Variants in OCA2 observed in about 807,000 individuals in gnomAD.
The protein encoded by OCA2 is P protein.
In OCA2, 77 loss-of-function variants were observed where a neutral mutation model predicts 100.2. That is an observed-to-expected ratio of 0.77 (90% CI 0.64 to 0.93). The LOEUF is 0.93. OCA2 is among the 40% of genes least tolerant of loss of function. The probability of loss-of-function intolerance (pLI) is 0.00; values close to 1 mark genes in which losing one functional copy is unlikely to be tolerated. For missense variants in OCA2, 1,062 were observed against 1,089.1 expected (o/e 0.98, Z 0.35); for synonymous variants, 432 against 439.2 (o/e 0.98, Z 0.21).
chr15:27,747,929 A>G, the OCA2 span, among the ~76,000 whole-genome samples: 1 of 152,182 alleles, frequency 6.6e-6, no homozygotes, highest in African/African-American at 2.4e-5. Context: ...AACGTGGATG[A>G]GGAGGGTGAA....
chr15:27,909,248 A>C (rs1004020621), intron 19 of OCA2, among the ~76,000 whole-genome samples: 2 of 152,226 alleles, frequency 1.3e-5, no homozygotes, highest in Non-Finnish European at 2.9e-5. Context: ...AAAGACACAG[A>C]AGTAGACTTG....
chr15:27,722,824 CTCTCTCTT>C, the OCA2 span, among the ~76,000 whole-genome samples: 25 of 147,782 alleles, frequency 1.7e-4, no homozygotes, highest in Middle Eastern at 3.4e-3. Context: ...TTCTCTCTCT[CTCTCTCTT>C]TCTCTCTTTC....
chr15:27,819,489 C>A (rs548946396), intron 23 of OCA2, among the ~76,000 whole-genome samples: 1 of 152,132 alleles, frequency 6.6e-6, no homozygotes, highest in Non-Finnish European at 1.5e-5. Flanking sequence ...GCATTTCCCA[C>A]GAGAATGCCA....
intron 23 of OCA2, among the ~76,000 whole-genome samples, chr15:27,784,799 GA>G (rs1157107337): frequency 6.6e-6 from 1 of 151,174 alleles, no homozygotes; most frequent in Non-Finnish European, 1.5e-5. Flanking sequence ...AACATGAACA[GA>G]AAAAAACAAC....
intron 23 of OCA2, among the ~76,000 whole-genome samples, chr15:27,841,307 A>C (rs1208061314): frequency 1.3e-5 from 2 of 152,178 alleles, no homozygotes; most frequent in Admixed American, 6.5e-5. Flanking sequence ...GGTGGGAGGG[A>C]TGCAGAGCTG....
At position 28,046,100 on chromosome 15, in the gene OCA2, G is replaced by A. The variant is rs114802493; in HGVS notation, c.228-13937C>T. On this transcript the variant is annotated intron_variant, in intron 2 of 23. Transcript: ENST00000354638. ...ATAGTGGCCAGAGGAGGACATGATG[G>A]ATGACACTCCAGACTCTCTCTTCCT... Among the ~76,000 whole-genome samples, 1,497 of 152,230 alleles carry A rather than the reference G, an allele frequency of 9.8e-3. 23 individuals are homozygous for A. Among genetic ancestry groups the A allele is most frequent in the African/African-American group, 0.034 (1,415 of 41,510 alleles).
At chr15:27,908,631 C>G (rs2140240090) in intron 19 of OCA2, among the ~76,000 whole-genome samples, 1 of 152,196 alleles carries the variant, frequency 6.6e-6, no homozygotes, top group Admixed American at 6.5e-5. Flanking sequence ...AATGTGGAGT[C>G]CACGTGAGTA....
the OCA2 span, among the ~76,000 whole-genome samples, chr15:27,724,994 T>C: frequency 6.6e-6 from 1 of 152,128 alleles, no homozygotes. Context: ...TAGCAGTGAC[T>C]TATGCTCTTG....
intron 23 of OCA2, among the ~76,000 whole-genome samples, chr15:27,832,441 C>T (rs554089312): frequency 3.3e-4 from 51 of 152,356 alleles, no homozygotes; most frequent in African/African-American, 1.1e-3. Context: ...TTTTGCCCAT[C>T]TACAGTCTCC....
At chr15:27,938,888 C>T (rs945167405) in intron 18 of OCA2, among the ~76,000 whole-genome samples, 3 of 152,138 alleles carry the variant, frequency 2.0e-5, no homozygotes, top group East Asian at 1.9e-4. Flanking sequence ...AGCTCTGCCC[C>T]GAGGACTGCA....
intron 19 of OCA2, among the ~76,000 whole-genome samples, chr15:27,899,588 T>G (rs1394918784): frequency 1.3e-5 from 2 of 152,194 alleles, no homozygotes; most frequent in Non-Finnish European, 2.9e-5. Context: ...TTCCAGTCCT[T>G]GGTTTCTCAC....
At chr15:27,879,948 T>C (rs1850524198) in intron 19 of OCA2, among the ~76,000 whole-genome samples, 3 of 152,238 alleles carry the variant, frequency 2.0e-5, no homozygotes, top group Admixed American at 2.0e-4. Flanking sequence ...CTGAATGGTA[T>C]TGCCTAGATT....
intron 22 of OCA2, among the ~76,000 whole-genome samples, chr15:27,850,623 C>T (rs2035713467): frequency 6.6e-6 from 1 of 152,090 alleles, no homozygotes; most frequent in African/African-American, 2.4e-5. Flanking sequence ...GACATTAATC[C>T]CCCTTTTCAG....
chr15:27,920,754 T>C (rs1420159320), intron 19 of OCA2, among the ~76,000 whole-genome samples: 1 of 152,006 alleles, frequency 6.6e-6, no homozygotes, highest in Non-Finnish European at 1.5e-5. Flanking sequence ...AATTGAACAA[T>C]ACAAGTGAAA....
chr15:28,097,715 G>A (rs2045012128), intron 1 of OCA2, among the ~76,000 whole-genome samples: 1 of 152,086 alleles, frequency 6.6e-6, no homozygotes, highest in African/African-American at 2.4e-5. Flanking sequence ...CCAGAGTGCT[G>A]AAGCCACACC....
At chr15:28,018,019 C>G (rs1274222375) in intron 7 of OCA2, among the ~76,000 whole-genome samples, 1 of 151,308 alleles carries the variant, frequency 6.6e-6, no homozygotes, top group Admixed American at 6.6e-5. Flanking sequence ...CAGATGTCCA[C>G]AAACACAGTA....
chr15:27,796,425 A>G (rs2033336999), intron 23 of OCA2, among the ~76,000 whole-genome samples: 1 of 152,250 alleles, frequency 6.6e-6, no homozygotes, highest in African/African-American at 2.4e-5. Context: ...GGAGACCTGC[A>G]GGAAACAGCA....
intron 1 of OCA2, among the ~76,000 whole-genome samples, chr15:28,092,074 T>C (rs2044879247): frequency 6.6e-6 from 1 of 152,174 alleles, no homozygotes; most frequent in Admixed American, 6.5e-5. Flanking sequence ...TGCTAAAACA[T>C]GAATAACCTT....
intron 2 of OCA2, among the ~76,000 whole-genome samples, chr15:28,056,092 C>T (rs570340704): frequency 2.2e-4 from 33 of 152,096 alleles, no homozygotes; most frequent in Non-Finnish European, 4.3e-4. Flanking sequence ...TGGCCCTGGG[C>T]TCTGGCCACC....
Sources: gnomAD v4.1 joint callset for allele counts (sites outside exome capture counted in the v4.1 genomes callset) on GRCh38, gnomAD v4.1.1 for gene constraint, MANE v1.5 for transcripts, NCBI Gene and HGNC (gene_info 2026-07-23, HGNC 2026-07-21) for gene names.